The following ADAMTS17 variants were observed in gnomAD, a reference collection of about 807,000 sequenced individuals.
ADAMTS17 encodes the protein A disintegrin and metalloproteinase with thrombospondin motifs 17.
In ADAMTS17, 113 loss-of-function variants were observed where a neutral mutation model predicts 141.5. The observed-to-expected ratio is 0.80, with a 90% CI of 0.69 to 0.93. ADAMTS17 has a LOEUF of 0.93. Ranked by LOEUF, ADAMTS17 falls within the 40% of genes least tolerant of loss-of-function variation. ADAMTS17 has a pLI of 0.00. For missense variants in ADAMTS17, 1,659 were observed against 1,517.9 expected (o/e 1.09, Z -1.54); for synonymous variants, 768 against 630.6 (o/e 1.22, Z -3.27).
chr15:100,215,979 T>C (rs1468945062), intron 7 of ADAMTS17, among the ~76,000 whole-genome samples: 4 of 152,152 alleles, frequency 2.6e-5, no homozygotes, highest in Admixed American at 2.6e-4. Flanking sequence ...CCTTGGCCAT[T>C]CTTGGGAATG....
At chr15:100,244,309 A>G (rs981567200) in intron 7 of ADAMTS17, among the ~76,000 whole-genome samples, 3 of 147,276 alleles carry the variant, frequency 2.0e-5, no homozygotes, top group Non-Finnish European at 3.0e-5. Context: ...GCCAAACCGT[A>G]TCAGTAAGTC....
intron 19 of ADAMTS17, among the ~76,000 whole-genome samples, chr15:99,994,227 G>A (rs996141601): frequency 2.0e-5 from 3 of 152,192 alleles, no homozygotes; most frequent in Non-Finnish European, 2.9e-5. Context: ...GTGTGCAGGA[G>A]GCTGCAGTCT....
intron 6 of ADAMTS17, among the ~76,000 whole-genome samples, chr15:100,260,342 G>A (rs1214951040): frequency 1.3e-5 from 2 of 152,016 alleles, no homozygotes; most frequent in Non-Finnish European, 2.9e-5. Flanking sequence ...GGCCAGGCGT[G>A]GTGGCTCACA....
chr15:100,331,056 T>C lies in ADAMTS17; in HGVS notation c.451-2A>G, dbSNP rs2046037494. On this transcript the variant is annotated splice_acceptor_variant, in intron 2 of 21. Transcript: ENST00000268070. LOFTEE classifies it high-confidence loss of function. The stretch of plus-strand genomic sequence containing the variant: ...CTGCCCAAGCTGAATGAGGCCAACC[T>C]GTCCAGAAAGGAGAAGGAAACGCGA... The C allele has an allele frequency of 6.2e-7, 1 of 1,614,174 alleles. No individual in the cohort carries two copies. The highest frequency in any genetic ancestry group is 8.5e-7 in the Non-Finnish European group (1 of 1,180,032).
At chr15:100,051,482 G>A in intron 17 of ADAMTS17, 90 bp downstream of exon 17, 1 of 1,564,844 alleles carries the variant, frequency 6.4e-7, no homozygotes, top group Admixed American at 1.7e-5. Flanking sequence ...GGTTGCAGAT[G>A]TCTCACACTC....
chr15:100,088,206 G>C (rs2035231794), intron 15 of ADAMTS17, among the ~76,000 whole-genome samples: 1 of 152,126 alleles, frequency 6.6e-6, no homozygotes, highest in Non-Finnish European at 1.5e-5. Flanking sequence ...CAGACAAACA[G>C]AGAGCCAAAT....
At chr15:100,307,444 G>A (rs542317703) in intron 3 of ADAMTS17, among the ~76,000 whole-genome samples, 1 of 152,324 alleles carries the variant, frequency 6.6e-6, no homozygotes, top group African/African-American at 2.4e-5. Flanking sequence ...GATGGCAAGA[G>A]CAAGCAAGGA....
At chr15:100,223,709 G>A (rs2141806649) in intron 7 of ADAMTS17, among the ~76,000 whole-genome samples, 1 of 150,038 alleles carries the variant, frequency 6.7e-6, no homozygotes, top group African/African-American at 2.5e-5. Context: ...ATGTATATAT[G>A]TATATACATA....
chr15:100,089,731 G>C (rs928617429), intron 15 of ADAMTS17, among the ~76,000 whole-genome samples: 12 of 149,570 alleles, frequency 8.0e-5, no homozygotes, highest in Non-Finnish European at 1.3e-4. Flanking sequence ...CTATCACAAG[G>C]ACAAAAAACC....
intron 8 of ADAMTS17, among the ~76,000 whole-genome samples, chr15:100,186,180 T>C (rs965554853): frequency 5.9e-5 from 9 of 152,192 alleles, no homozygotes; most frequent in African/African-American, 2.2e-4. Context: ...GCAGTGATAC[T>C]GTCATTAAGC....
intron 12 of ADAMTS17, among the ~76,000 whole-genome samples, chr15:100,117,678 CAT>C (rs1440971141): frequency 3.3e-5 from 5 of 152,122 alleles, no homozygotes; most frequent in Non-Finnish European, 7.4e-5. Context: ...GCCAAGTCCA[CAT>C]GTGTGAGGGC....
At chr15:100,177,173 A>G (rs2141503395) in intron 8 of ADAMTS17, among the ~76,000 whole-genome samples, 1 of 152,358 alleles carries the variant, frequency 6.6e-6, no homozygotes, top group Non-Finnish European at 1.5e-5. Context: ...TTTAAAAGGA[A>G]CTTTTCCAGA....
chr15:100,196,891 G>A (rs543781497), intron 8 of ADAMTS17, among the ~76,000 whole-genome samples: 1 of 152,322 alleles, frequency 6.6e-6, no homozygotes, highest in African/African-American at 2.4e-5. Context: ...ACTTCCCTGG[G>A]AAACCTGTAA....
rs11633543 is a variant in ADAMTS17, at chr15:100,306,964, G to A, written c.616+23925C>T. 5.8e-3 allele frequency among the ~76,000 whole-genome samples: 885 copies of A among 152,306 alleles called. 3 individuals carry two copies. Among genetic ancestry groups the A allele is most frequent in the Non-Finnish European group, 0.01 (682 of 68,026 alleles). On this transcript the variant is annotated intron_variant, in intron 3 of 21. Coordinates refer to ENST00000268070, the MANE Select transcript of ADAMTS17 (RefSeq NM_139057.4). ...TGCTGACCCTGACAGAAAGGAGAAC[G>A]AGGCTGAGAGAGGACCATGGCAGGG...
chr15:100,330,803 C>G (rs1182095674), intron 3 of ADAMTS17, 86 bp downstream of exon 3: 2 of 1,541,364 alleles, frequency 1.3e-6, no homozygotes, highest in Non-Finnish European at 1.8e-6. Flanking sequence ...AGTTCTCACT[C>G]ATGTGGCTTC....
intron 18 of ADAMTS17, among the ~76,000 whole-genome samples, chr15:99,998,595 CTG>C (rs1437777202): frequency 6.6e-6 from 1 of 152,168 alleles, no homozygotes; most frequent in Non-Finnish European, 1.5e-5. Context: ...CAGAGTGAGA[CTG>C]TATCCCCCAA....
chr15:100,053,982 G>A lies in ADAMTS17; in HGVS notation c.2210C>T (p.Ala737Val). Residue 737 changes from alanine (A) to valine (V), a missense_variant, in exon 16 of 22, where the codon GCA becomes GTA. Physicochemically the swap from Ala to Val is moderately conservative, Grantham distance 64 (BLOSUM62 0). Coordinates refer to ENST00000268070, the MANE Select transcript of ADAMTS17 (RefSeq NM_139057.4). ...KIELPGEFQIAGTTVRYVRRG... is the reference protein window; with the variant it reads ...KIELPGEFQIVGTTVRYVRRG... ...TCTCACATAGCGAACAGTTGTGCCTGCAATCTGGAACTCTCCGGGGAGCTC... is the reference window on the plus strand; with the variant it reads ...TCTCACATAGCGAACAGTTGTGCCTACAATCTGGAACTCTCCGGGGAGCTC... 1 of 1,614,162 alleles carries A rather than the reference G, an allele frequency of 6.2e-7. No homozygotes were observed. Among genetic ancestry groups the A allele is most frequent in the Non-Finnish European group, 8.5e-7 (1 of 1,180,036 alleles).
chr15:100,326,732 G>A (rs1228576657), intron 3 of ADAMTS17, among the ~76,000 whole-genome samples: 1 of 152,170 alleles, frequency 6.6e-6, no homozygotes, highest in Non-Finnish European at 1.5e-5. Context: ...TTTGCAGCTA[G>A]TGGCAAACCC....
At chr15:99,990,947 T>G (rs996677997) in intron 20 of ADAMTS17, among the ~76,000 whole-genome samples, 1 of 152,128 alleles carries the variant, frequency 6.6e-6, no homozygotes, top group Non-Finnish European at 1.5e-5. Flanking sequence ...ATACCCGGTG[T>G]TGGGAAAACT....
Sources: allele counts gnomAD v4.1 joint callset (sites outside exome capture counted in the v4.1 genomes callset), GRCh38; gene constraint gnomAD v4.1.1; transcripts MANE v1.5; gene names NCBI Gene and HGNC (gene_info 2026-07-23, HGNC 2026-07-21).